UVRAG: variants seen among roughly 807,000 people sequenced by gnomAD.
UVRAG encodes the protein UV radiation resistance associated, also known as UV radiation resistance-associated gene protein.
Under a neutral mutation model 78.0 loss-of-function variants are expected in UVRAG, and 19 were observed. The observed-to-expected ratio is 0.24, with a 90% CI of 0.17 to 0.36. UVRAG has a LOEUF of 0.36. Ranked by LOEUF, UVRAG falls within the 10% of genes least tolerant of loss-of-function variation. The pLI is 1.00. For synonymous variants in UVRAG, 323 were observed against 324.6 expected, an observed-to-expected ratio of 1.00 and a Z score of 0.05; for missense variants, 740 against 853.8, an observed-to-expected ratio of 0.87 and a Z score of 1.66.
Position 76,060,746 on chromosome 11 carries a change from T to G in UVRAG, c.1227-4964T>G, listed in dbSNP as rs1951071264. Among the ~76,000 whole-genome samples, 3 of 152,282 alleles carry G rather than the reference T, an allele frequency of 2.0e-5. No individual in the cohort carries two copies. The South Asian group carries it at 6.2e-4, about 32-fold the overall frequency. On this transcript the variant is annotated intron_variant, in intron 12 of 14. Coordinates refer to ENST00000356136, the MANE Select transcript of UVRAG (RefSeq NM_003369.4). ...GAGGGTGTGCTGGGTCCCCCAGCAG[T>G]GCCAGCACACCGGCGCTGCACTCGA...
intron 6 of UVRAG, among the ~76,000 whole-genome samples, chr11:75,954,218 T>C (rs759705377): frequency 1.3e-5 from 2 of 151,994 alleles, no homozygotes; most frequent in African/African-American, 2.4e-5. Context: ...AATGTGACTC[T>C]GTCTGTGTGT....
intron 1 of UVRAG, 63 bp downstream of exon 1, chr11:75,815,587 T>C: frequency 9.2e-7 from 1 of 1,082,142 alleles, no homozygotes; most frequent in Admixed American, 4.3e-5. Context: ...GAGAGCTTGC[T>C]GGCTCCGGGC....
At chr11:75,847,797 C>G (rs1946066878) in intron 1 of UVRAG, among the ~76,000 whole-genome samples, 1 of 151,096 alleles carries the variant, frequency 6.6e-6, no homozygotes. Context: ...ATGGTGAAAC[C>G]CCGTCTCCAC....
At chr11:76,119,378 T>G (rs1055758079) in intron 14 of UVRAG, among the ~76,000 whole-genome samples, 3 of 152,120 alleles carry the variant, frequency 2.0e-5, no homozygotes, top group Non-Finnish European at 4.4e-5. Flanking sequence ...TCTTAAGTGT[T>G]CTCACCCATT....
intron 13 of UVRAG, among the ~76,000 whole-genome samples, chr11:76,097,566 G>A (rs564413444): frequency 3.9e-5 from 6 of 152,120 alleles, no homozygotes; most frequent in African/African-American, 1.4e-4. Context: ...TTTTTAATGT[G>A]TTCTTTACTC....
intron 5 of UVRAG, among the ~76,000 whole-genome samples, chr11:75,902,304 C>T (rs897992918): frequency 6.6e-6 from 1 of 152,088 alleles, no homozygotes; most frequent in Non-Finnish European, 1.5e-5. Context: ...GAAACTGTTC[C>T]ACCTCAGATG....
At chr11:75,970,911 T>C (rs1014618032) in intron 7 of UVRAG, among the ~76,000 whole-genome samples, 1 of 152,186 alleles carries the variant, frequency 6.6e-6, no homozygotes, top group Non-Finnish European at 1.5e-5. Context: ...GTTTACTCTT[T>C]ATGTTATACA....
In UVRAG at chr11:76,143,233, T is replaced by A. The variant is rs1258854562; in HGVS notation, c.*1820T>A. 1.3e-5 allele frequency: 2 copies of A among 151,862 alleles called. No homozygotes were observed. The highest frequency in any genetic ancestry group is 3.9e-4 in the East Asian group (2 of 5,190). The allele number at this position is 151,862 out of a possible 1,614,324, so 9.4% of individuals were successfully genotyped here. On this transcript the variant is annotated 3_prime_UTR_variant, in exon 15 of 15. Coordinates refer to ENST00000356136, the MANE Select transcript of UVRAG (RefSeq NM_003369.4). ...AGTGTTAGGATTGCAGAATGGAAGGTCAACCCCGTGGGACTTACGATTGCC... is the reference window on the plus strand; with the variant it reads ...AGTGTTAGGATTGCAGAATGGAAGGACAACCCCGTGGGACTTACGATTGCC...
intron 8 of UVRAG, among the ~76,000 whole-genome samples, chr11:75,985,089 G>C (rs1016951108): frequency 1.1e-4 from 17 of 151,388 alleles, no homozygotes; most frequent in African/African-American, 4.1e-4. Context: ...CAATATGATT[G>C]TGCCAGTTTA....
chr11:75,960,834 A>G (rs563177634), intron 6 of UVRAG, among the ~76,000 whole-genome samples: 28 of 152,332 alleles, frequency 1.8e-4, no homozygotes, highest in Admixed American at 1.2e-3. Flanking sequence ...TAATTTAAAA[A>G]TAAAAATAGC....
At chr11:75,854,130 G>T (rs1467803729) in intron 2 of UVRAG, among the ~76,000 whole-genome samples, 1 of 152,160 alleles carries the variant, frequency 6.6e-6, no homozygotes, top group Non-Finnish European at 1.5e-5. Flanking sequence ...GCTAGCTATT[G>T]TAACAAATAC....
intron 13 of UVRAG, among the ~76,000 whole-genome samples, chr11:76,085,896 G>C (rs1016245844): frequency 3.3e-5 from 5 of 151,974 alleles, no homozygotes; most frequent in Non-Finnish European, 7.4e-5. Context: ...TGTATTTCTG[G>C]AGCTCTTTCT....
chr11:75,864,857 TGTAA>T (rs1319411373), intron 3 of UVRAG, among the ~76,000 whole-genome samples: 1 of 152,238 alleles, frequency 6.6e-6, no homozygotes, highest in Non-Finnish European at 1.5e-5. Context: ...TTGATAAGCT[TGTAA>T]GTATCTTTTT....
chr11:75,849,036 A>G (rs573612724), intron 1 of UVRAG, among the ~76,000 whole-genome samples: 108 of 152,144 alleles, frequency 7.1e-4, no homozygotes, highest in African/African-American at 2.5e-3. Flanking sequence ...AAATTAGCCA[A>G]GTGTGGTGGC....
chr11:76,113,180 T>C (rs1952111282), intron 13 of UVRAG, among the ~76,000 whole-genome samples: 1 of 152,188 alleles, frequency 6.6e-6, no homozygotes, highest in Non-Finnish European at 1.5e-5. Flanking sequence ...TATGTAGGTA[T>C]AGTGAGGTAA....
At chr11:76,034,413 G>C (rs1325107122) in intron 12 of UVRAG, among the ~76,000 whole-genome samples, 1 of 152,062 alleles carries the variant, frequency 6.6e-6, no homozygotes, top group East Asian at 1.9e-4. Context: ...TGCCCGGGCT[G>C]GTCCTGAACT....
chr11:75,815,251 A>AGCGGCGGCAGCG lies in UVRAG; in HGVS notation c.-148_-137dup. On this transcript the variant is annotated 5_prime_UTR_variant, in exon 1 of 15. Coordinates refer to ENST00000356136, the MANE Select transcript of UVRAG (RefSeq NM_003369.4). Reference sequence around the variant, plus strand: ...CTTAGCCAGCGGCGGCAACGGCGGCAGCGGCGGCAGCGGCGGCGGCTACTG... The same window carrying AGCGGCGGCAGCG: ...CTTAGCCAGCGGCGGCAACGGCGGCAGCGGCGGCAGCGGCGGCGGCAGCGGCGGCGGCTACTG... The AGCGGCGGCAGCG allele has an allele frequency of 2.2e-6, 1 of 453,662 alleles. No homozygotes were observed. The allele number at this position is 453,662 out of a possible 1,614,324, so 28.1% of individuals were successfully genotyped here.
chr11:75,849,802 G>T (rs544345486), intron 1 of UVRAG, among the ~76,000 whole-genome samples: 1 of 152,220 alleles, frequency 6.6e-6, no homozygotes, highest in Admixed American at 6.5e-5. Flanking sequence ...TACTGGTAGC[G>T]GGTCTTGACT....
intron 6 of UVRAG, among the ~76,000 whole-genome samples, chr11:75,920,029 TTTTTTTTTTTTTTTG>T (rs1947944651): frequency 1.7e-5 from 2 of 115,746 alleles, no homozygotes; most frequent in Admixed American, 8.5e-5. Flanking sequence ...TTTTTTTTTT[TTTTTTTTTTTTTTTG>T]GGACGAAGTC....
Sources: allele counts gnomAD v4.1 joint callset (sites outside exome capture counted in the v4.1 genomes callset), GRCh38; gene constraint gnomAD v4.1.1; transcripts MANE v1.5; gene names NCBI Gene and HGNC (gene_info 2026-07-23, HGNC 2026-07-21).